Variants in RELB observed in about 807,000 individuals in gnomAD.
RELB encodes the protein RELB proto-oncogene, NF-kB subunit.
A neutral mutation model predicts 55.4 loss-of-function variants in RELB; 14 were observed. The ratio of observed to expected loss-of-function variants is 0.25; its 90% CI spans 0.17 to 0.40. The LOEUF is 0.40. Ranked by LOEUF, RELB falls within the 10% of genes least tolerant of loss-of-function variation. The pLI, the probability that RELB is intolerant of heterozygous loss-of-function variation, is 1.00. For synonymous variants in RELB, 409 were observed against 371.3 expected (o/e 1.10, Z -1.17); for missense variants, 669 against 830.7 (o/e 0.81, Z 2.39).
At chr19:45,002,878 C>T (rs1412855424) in intron 1 of RELB, 71 bp from the exon 2 acceptor site, 3 of 1,338,754 alleles carry the variant, frequency 2.2e-6, no homozygotes, top group Non-Finnish European at 3.2e-6. Context: ...AGGGGTGGGG[C>T]TTCCTTGGGA....
intron 2 of RELB, among the ~76,000 whole-genome samples, chr19:45,005,544 G>C (rs1388790711): frequency 6.6e-6 from 1 of 152,148 alleles, no homozygotes; most frequent in Admixed American, 6.6e-5. Flanking sequence ...TGTGAGTTTA[G>C]GGAGGATGGC....
At chr19:45,020,340 C>T (rs1191417490) in intron 4 of RELB, among the ~76,000 whole-genome samples, 3 of 151,592 alleles carry the variant, frequency 2.0e-5, no homozygotes, top group African/African-American at 7.3e-5. Context: ...CCTCCCACCT[C>T]AGCTTCCAGA....
intron 4 of RELB, among the ~76,000 whole-genome samples, chr19:45,015,564 C>T (rs532252939): frequency 2.0e-5 from 3 of 151,634 alleles, no homozygotes; most frequent in African/African-American, 7.2e-5. Context: ...GCAAGATGCC[C>T]GTCTCTATAA....
chr19:45,019,865 C>T (rs138672980), intron 4 of RELB, among the ~76,000 whole-genome samples: 28 of 152,034 alleles, frequency 1.8e-4, no homozygotes, highest in Non-Finnish European at 3.7e-4. Context: ...TTAGTAGAGA[C>T]GGTGTTTCTC....
At chr19:45,027,825 C>A (rs757240266) in intron 7 of RELB, among the ~76,000 whole-genome samples, 4 of 151,924 alleles carry the variant, frequency 2.6e-5, no homozygotes, top group Non-Finnish European at 5.9e-5. Flanking sequence ...CACCTGGGAC[C>A]CCATCAACTC....
At chr19:45,035,150 C>T (rs1197846324) in intron 11 of RELB, among the ~76,000 whole-genome samples, 1 of 151,962 alleles carries the variant, frequency 6.6e-6, no homozygotes, top group African/African-American at 2.4e-5. Flanking sequence ...CCTATGATCA[C>T]ATTTAACTGC....
At chr19:45,033,407 G>A (rs552794460) in intron 9 of RELB, among the ~76,000 whole-genome samples, 55 of 152,196 alleles carry the variant, frequency 3.6e-4, no homozygotes, top group African/African-American at 1.0e-3. Flanking sequence ...TGTGTAGGCC[G>A]GGCGCAGTGG....
rs548622820 is a variant in RELB, at chr19:45,004,494, G to C, written c.154+1498G>C. Among the ~76,000 whole-genome samples, 141 of 151,164 alleles carry C rather than the reference G, an allele frequency of 9.3e-4. 1 individual carries two copies. The highest frequency in any genetic ancestry group is 3.3e-3 in the African/African-American group (134 of 41,224). On this transcript the variant is annotated intron_variant, in intron 2 of 11. Coordinates refer to ENST00000221452, the MANE Select transcript of RELB (RefSeq NM_006509.4). ...CCTCCTCGGCCTCCCAAAGTGCTGG[G>C]ATTACAGGCGCGAGCCACCGTGCCT...
Position 45,005,026 on chromosome 19 carries a change from C to T in RELB, c.154+2030C>T, listed in dbSNP as rs552507263. Among the ~76,000 whole-genome samples the T allele has an allele frequency of 2.1e-4, 32 of 151,926 alleles. No individual in the cohort carries two copies. The South Asian group carries it at 6.0e-3, about 29-fold the overall frequency. On this transcript the variant is annotated intron_variant, in intron 2 of 11. Transcript: ENST00000221452. ...CTACTAAAAATACAAAAAAAATTAG[C>T]CAGGCGTGGTGGCAGGCACCTGTAA...
chr19:45,031,905 A>C (rs1273354800), intron 8 of RELB, among the ~76,000 whole-genome samples: 1 of 151,728 alleles, frequency 6.6e-6, no homozygotes, highest in Admixed American at 6.6e-5. Flanking sequence ...CTACCTCTTA[A>C]ATTGTTATAA....
chr19:45,011,797 T>TGTGAGTGAGAGAGAGA (rs1322532535), intron 3 of RELB, 139 bp from the exon 4 acceptor site: 2 of 62,528 alleles, frequency 3.2e-5, no homozygotes, highest in East Asian at 8.0e-4. Flanking sequence ...TGTGTGTGTG[T>TGTGAGTGAGAGAGAGA]GAGAGAGAGA....
intron 1 of RELB, 57 bp from the exon 2 acceptor site, chr19:45,002,892 T>C (rs1971231292): frequency 1.4e-6 from 2 of 1,473,288 alleles, no homozygotes; most frequent in Non-Finnish European, 1.9e-6. Flanking sequence ...CTTGGGATAT[T>C]CTCTGGTCCT....
At chr19:45,011,508 G>A (rs924522806) in intron 3 of RELB, among the ~76,000 whole-genome samples, 2 of 151,760 alleles carry the variant, frequency 1.3e-5, no homozygotes, top group African/African-American at 2.4e-5. Flanking sequence ...CCAGGCTGGC[G>A]TGCAGTGTCA....
At chr19:45,029,952 GA>G (rs1347755408) in intron 8 of RELB, among the ~76,000 whole-genome samples, 1 of 152,064 alleles carries the variant, frequency 6.6e-6, no homozygotes, top group African/African-American at 2.4e-5. Flanking sequence ...CAGATCACTT[GA>G]ACTCAGGAGT....
intron 7 of RELB, among the ~76,000 whole-genome samples, chr19:45,027,888 A>AT (rs1263590537): frequency 6.6e-6 from 1 of 150,914 alleles, no homozygotes; most frequent in East Asian, 1.9e-4. Context: ...TATTTTTATT[A>AT]TTTTTTTTTA....
At position 45,016,628 on chromosome 19, in the gene RELB, G is replaced by A. The variant is rs78049117; in HGVS notation, c.504+4352G>A. ...TTACAGTTATGGGAAACTCCAGCCT[G>A]GGTGACAGAGTTAGACCTCGTCTCA... On this transcript the variant is annotated intron_variant, in intron 4 of 11. Coordinates refer to ENST00000221452, the MANE Select transcript of RELB (RefSeq NM_006509.4). Among the ~76,000 whole-genome samples the A allele has an allele frequency of 5.2e-3, 790 of 152,250 alleles. 14 individuals carry two copies. Among genetic ancestry groups the A allele is most frequent in the African/African-American group, 0.017 (726 of 41,534 alleles).
chr19:45,002,584 C>T (rs1040953632), intron 1 of RELB, among the ~76,000 whole-genome samples: 19 of 152,120 alleles, frequency 1.2e-4, no homozygotes, highest in African/African-American at 4.1e-4. Flanking sequence ...AACTTCTGAC[C>T]TCAGGTGATC....
chr19:45,020,077 A>G (rs1195472307), intron 4 of RELB, among the ~76,000 whole-genome samples: 2 of 151,968 alleles, frequency 1.3e-5, no homozygotes, highest in African/African-American at 4.8e-5. Flanking sequence ...TTTTTTAAAA[A>G]AATTAAGATA....
chr19:45,025,148 C>T (rs535870561), intron 5 of RELB, among the ~76,000 whole-genome samples, 181 bp from the exon 6 acceptor site: 6 of 152,148 alleles, frequency 3.9e-5, no homozygotes, highest in African/African-American at 1.2e-4. Context: ...TGTGAGCCAC[C>T]GCGCTGGCCT....
Sources: allele counts gnomAD v4.1 joint callset (sites outside exome capture counted in the v4.1 genomes callset), GRCh38; gene constraint gnomAD v4.1.1; transcripts MANE v1.5; gene names NCBI Gene and HGNC (gene_info 2026-07-23, HGNC 2026-07-21).